DEPTOR: variants seen among roughly 807,000 people sequenced by gnomAD.
The protein encoded by DEPTOR is DEP domain-containing mTOR-interacting protein.
Under a neutral mutation model 41.6 loss-of-function variants are expected in DEPTOR, and 41 were observed. The ratio of observed to expected loss-of-function variants is 0.98; its 90% CI spans 0.77 to 1.28. DEPTOR has a LOEUF of 1.28. DEPTOR is among the 50% of genes most tolerant of loss of function. The pLI is 0.00. For missense variants in DEPTOR, 514 were observed against 527.9 expected (o/e 0.97, Z 0.26); for synonymous variants, 195 against 192.3 (o/e 1.01, Z -0.12).
At chr8:119,948,423 TAAATA>T (rs1456071936) in intron 3 of DEPTOR, among the ~76,000 whole-genome samples, 1 of 151,470 alleles carries the variant, frequency 6.6e-6, no homozygotes. Context: ...AAAAATAAAA[TAAATA>T]AATAAAAACT....
intron 3 of DEPTOR, among the ~76,000 whole-genome samples, chr8:119,934,681 G>A (rs1368086871): frequency 6.6e-6 from 1 of 152,194 alleles, no homozygotes; most frequent in African/African-American, 2.4e-5. Context: ...TGTTATTAGA[G>A]TAGTAAATAA....
In DEPTOR at chr8:120,037,348, G is replaced by T. The variant is rs191648580; in HGVS notation, c.1102-12228G>T. On this transcript the variant is annotated intron_variant, in intron 8 of 8. Coordinates refer to ENST00000286234, the MANE Select transcript of DEPTOR (RefSeq NM_022783.4). ...TACAACTAATAAATTGTAAAGGTGG[G>T]AGTTAAAGCAATTTTTTATTGAACT... Among the ~76,000 whole-genome samples the T allele has an allele frequency of 1.4e-3, 208 of 152,262 alleles. 1 individual carries two copies. Among genetic ancestry groups the T allele is most frequent in the African/African-American group, 4.8e-3 (200 of 41,552 alleles).
At chr8:119,890,274 AGTTTTTTT>A (rs1436077927) in intron 1 of DEPTOR, among the ~76,000 whole-genome samples, 1 of 65,398 alleles carries the variant, frequency 1.5e-5, no homozygotes, top group Non-Finnish European at 3.1e-5. Context: ...TTGTTATATG[AGTTTTTTT>A]GTTTGTTTGT....
intron 1 of DEPTOR, among the ~76,000 whole-genome samples, chr8:119,889,437 C>T (rs2129707155): frequency 6.6e-6 from 1 of 151,104 alleles, no homozygotes; most frequent in East Asian, 2.0e-4. Flanking sequence ...ATCTGAGCTA[C>T]TTGGGAGGCT....
At chr8:119,932,674 T>G (rs1409329360) in intron 3 of DEPTOR, among the ~76,000 whole-genome samples, 3 of 152,224 alleles carry the variant, frequency 2.0e-5, no homozygotes, top group Non-Finnish European at 2.9e-5. Flanking sequence ...TGCACTTCAG[T>G]TGAAGAGGCA....
intron 6 of DEPTOR, among the ~76,000 whole-genome samples, chr8:120,006,256 G>A (rs183542649): frequency 4.6e-5 from 7 of 152,246 alleles, no homozygotes; most frequent in Admixed American, 3.3e-4. Flanking sequence ...AGGCTGGGCG[G>A]CTCATGCGTG....
intron 1 of DEPTOR, among the ~76,000 whole-genome samples, chr8:119,913,401 C>T (rs1827769834): frequency 6.6e-6 from 1 of 152,276 alleles, no homozygotes; most frequent in African/African-American, 2.4e-5. Context: ...GGCATTTTCA[C>T]TGGTTTACAG....
At chr8:120,007,779 A>G (rs1413759165) in intron 7 of DEPTOR, among the ~76,000 whole-genome samples, 2 of 152,192 alleles carry the variant, frequency 1.3e-5, no homozygotes, top group Non-Finnish European at 2.9e-5. Flanking sequence ...TACCAGAGGA[A>G]AAGATAAACT....
intron 3 of DEPTOR, among the ~76,000 whole-genome samples, chr8:119,952,265 G>A (rs569884959): frequency 6.6e-6 from 1 of 152,286 alleles, no homozygotes; most frequent in South Asian, 2.1e-4. Context: ...GGCTTAATCT[G>A]TCCATTTAAA....
At chr8:120,027,437 G>A (rs1812815200) in intron 8 of DEPTOR, among the ~76,000 whole-genome samples, 1 of 151,772 alleles carries the variant, frequency 6.6e-6, no homozygotes, top group African/African-American at 2.4e-5. Flanking sequence ...GGGCTCAGTG[G>A]TTCACACCTG....
At chr8:119,912,342 G>T (rs1186783731) in intron 1 of DEPTOR, among the ~76,000 whole-genome samples, 1 of 152,144 alleles carries the variant, frequency 6.6e-6, no homozygotes, top group Non-Finnish European at 1.5e-5. Flanking sequence ...ATTTCCATTT[G>T]GAAGAAACAA....
At chr8:119,879,303 A>G (rs1827267852) in intron 1 of DEPTOR, among the ~76,000 whole-genome samples, 1 of 152,242 alleles carries the variant, frequency 6.6e-6, no homozygotes, top group Non-Finnish European at 1.5e-5. Context: ...TATTAAACAT[A>G]GAGTTATCAT....
chr8:119,965,778 T>A (rs55753719), intron 4 of DEPTOR, among the ~76,000 whole-genome samples: 3 of 152,240 alleles, frequency 2.0e-5, no homozygotes, highest in Middle Eastern at 6.8e-3. Context: ...TAATATGGAG[T>A]TGGGAAGTGG....
At chr8:119,887,069 G>C (rs147821331) in intron 1 of DEPTOR, among the ~76,000 whole-genome samples, 262 of 145,258 alleles carry the variant, frequency 1.8e-3, no homozygotes, top group African/African-American at 6.7e-3. Flanking sequence ...AAAGACTATG[G>C]AGAAATGGTT....
At chr8:119,931,519 A>G (rs996329925) in intron 3 of DEPTOR, among the ~76,000 whole-genome samples, 2 of 152,194 alleles carry the variant, frequency 1.3e-5, no homozygotes, top group African/African-American at 4.8e-5. Flanking sequence ...GATGATAGCC[A>G]TTCCAAATAC....
intron 3 of DEPTOR, among the ~76,000 whole-genome samples, chr8:119,945,877 G>A (rs1828264633): frequency 6.6e-6 from 1 of 152,216 alleles, no homozygotes; most frequent in African/African-American, 2.4e-5. Flanking sequence ...GGGGCCTTCT[G>A]AGAGAAGAGG....
At chr8:119,998,937 C>G (rs1166564791) in intron 4 of DEPTOR, among the ~76,000 whole-genome samples, 1 of 107,764 alleles carries the variant, frequency 9.3e-6, no homozygotes, top group African/African-American at 3.5e-5. Context: ...GTTCCCTCAT[C>G]AAAAATAGGA....
At chr8:120,012,015 T>C (rs1812538273) in intron 8 of DEPTOR, among the ~76,000 whole-genome samples, 1 of 152,134 alleles carries the variant, frequency 6.6e-6, no homozygotes, top group South Asian at 2.1e-4. Flanking sequence ...TATCCCCCTC[T>C]TAGAAATTTA....
At chr8:119,925,373 G>C (rs568018760) in intron 1 of DEPTOR, among the ~76,000 whole-genome samples, 18 of 152,126 alleles carry the variant, frequency 1.2e-4, no homozygotes, top group African/African-American at 4.3e-4. Flanking sequence ...CTGGGCAACA[G>C]AGTGAGACTC....
Sources: gnomAD v4.1 joint callset for allele counts (sites outside exome capture counted in the v4.1 genomes callset) on GRCh38, gnomAD v4.1.1 for gene constraint, MANE v1.5 for transcripts, NCBI Gene and HGNC (gene_info 2026-07-23, HGNC 2026-07-21) for gene names.